The following ZFP14 variants were observed in gnomAD, a reference collection of about 807,000 sequenced individuals.
ZFP14 encodes the protein zinc finger protein 14 homolog.
In ZFP14, 22 loss-of-function variants were observed where a neutral mutation model predicts 54.5. The observed-to-expected ratio is 0.40, with a 90% CI of 0.29 to 0.58. The LOEUF is 0.58. Among genes scored for constraint, ZFP14 ranks in the 20% least tolerant of loss-of-function variants. The probability of loss-of-function intolerance (pLI) is 0.39; values close to 1 mark genes in which losing one functional copy is unlikely to be tolerated. For synonymous variants in ZFP14, 159 were observed against 204.0 expected (o/e 0.78, Z 1.88); for missense variants, 470 against 637.8 (o/e 0.74, Z 2.83).
At chr19:36,356,631 G>A (rs1024522773) in intron 4 of ZFP14, among the ~76,000 whole-genome samples, 13 of 151,838 alleles carry the variant, frequency 8.6e-5, no homozygotes, top group Non-Finnish European at 1.6e-4. Flanking sequence ...TTTCTAACCC[G>A]AACCATCCTC....
At chr19:36,349,231 C>CA (rs1308523351) in intron 4 of ZFP14, among the ~76,000 whole-genome samples, 1,143 of 4,176 alleles carry the variant, frequency 0.27, 236 homozygotes, top group Middle Eastern at 0.5. Context: ...AACTCTGTCT[C>CA]AAAAAAAAAA....
At chr19:36,349,800 G>A (rs1265506811) in intron 4 of ZFP14, among the ~76,000 whole-genome samples, 1 of 150,756 alleles carries the variant, frequency 6.6e-6, no homozygotes, top group Admixed American at 6.6e-5. Context: ...CACAAGAGAA[G>A]ACTAGTGAAT....
At chr19:36,351,842 C>T (rs1380342644) in intron 4 of ZFP14, among the ~76,000 whole-genome samples, 3 of 142,464 alleles carry the variant, frequency 2.1e-5, no homozygotes, top group African/African-American at 7.7e-5. Context: ...CTGGGTGATG[C>T]AGTGAGACCT....
chr19:36,369,644 C>G (rs1319966161), intron 1 of ZFP14, among the ~76,000 whole-genome samples: 1 of 152,042 alleles, frequency 6.6e-6, no homozygotes, highest in Non-Finnish European at 1.5e-5. Flanking sequence ...CTCCTGACCT[C>G]AATTGATCCA....
chr19:36,334,800 C>G lies in ZFP14; in HGVS notation c.*5424G>C, dbSNP rs1393156817. ...TTCCACAATAAATTTGAGATACACTCAGTTAAATAAAAATGTCTTTACTAA... is the reference window on the plus strand; with the variant it reads ...TTCCACAATAAATTTGAGATACACTGAGTTAAATAAAAATGTCTTTACTAA... On this transcript the variant is annotated 3_prime_UTR_variant, in exon 5 of 5. Coordinates refer to ENST00000270001, the MANE Select transcript of ZFP14 (RefSeq NM_020917.3). 2 of 152,216 alleles carry G rather than the reference C, an allele frequency of 1.3e-5. No individual in the cohort carries two copies. The highest frequency in any genetic ancestry group is 2.9e-5 in the Non-Finnish European group (2 of 68,032). The allele number at this position is 152,216 out of a possible 1,614,324, so 9.4% of individuals were successfully genotyped here. A position where few individuals can be genotyped will look rare whatever the true frequency, so the allele number is the denominator to read the frequency against.
chr19:36,361,957 G>C (rs1330738947), intron 3 of ZFP14, among the ~76,000 whole-genome samples, 155 bp downstream of exon 3: 1 of 152,208 alleles, frequency 6.6e-6, no homozygotes, highest in Non-Finnish European at 1.5e-5. Context: ...GGGCATAGCA[G>C]ACTGGACATG....
rs940824580 is a variant in ZFP14, at chr19:36,337,007, A to G, written c.*3217T>C. ...CCAAATGTGTCTATCTTCATTTCAT[A>G]GTATGTATCTCATATCATACGATCT... On this transcript the variant is annotated 3_prime_UTR_variant, in exon 5 of 5. Coordinates refer to ENST00000270001, the MANE Select transcript of ZFP14 (RefSeq NM_020917.3). 6.6e-6 allele frequency: 1 copy of G among 151,892 alleles called. No individual in the cohort carries two copies. The highest frequency in any genetic ancestry group is 1.9e-4 in the East Asian group (1 of 5,192). The allele number at this position is 151,892 out of a possible 1,614,324, so 9.4% of individuals were successfully genotyped here.
At chr19:36,368,780 C>T (rs573901149) in intron 1 of ZFP14, among the ~76,000 whole-genome samples, 218 of 152,252 alleles carry the variant, frequency 1.4e-3, no homozygotes, top group African/African-American at 5.1e-3. Flanking sequence ...CAGGAAAGCT[C>T]GCCACTCCAG....
chr19:36,340,452 T>C lies in ZFP14; in HGVS notation c.1374A>G (p.Arg458=). Residue 458 remains arginine (R), a synonymous_variant, in exon 5 of 5, where the codon AGA becomes AGG. Transcript: ENST00000270001. The surrounding 1 kb of genome is among the most constrained non-coding windows in gnomAD (Gnocchi z 5.4). ...GEKPYECKEC[R]KPFRLLSQLT... ...GTTGTGAGAGCAGTCTAAAAGGTTTTCTACATTCCTTACATTCATAAGGTT... is the reference window on the plus strand; with the variant it reads ...GTTGTGAGAGCAGTCTAAAAGGTTTCCTACATTCCTTACATTCATAAGGTT... 6.2e-7 allele frequency: 1 copy of C among 1,613,254 alleles called. No homozygotes were observed. The highest frequency in any genetic ancestry group is 8.5e-7 in the Non-Finnish European group (1 of 1,179,296).
rs398034482 is a variant in ZFP14, at chr19:36,364,994, C to CTTTTTTTTTTT, written c.10-2767_10-2757dup. The stretch of plus-strand genomic sequence containing the variant: ...TTTGCTTTCTTTCCTTTTTCTTTTT[C>CTTTTTTTTTTT]TTTTTTTTTTTTTTTTTTTTTTTTT... On this transcript the variant is annotated intron_variant, in intron 2 of 4. Transcript: ENST00000270001. 6.1e-3 allele frequency among the ~76,000 whole-genome samples: 379 copies of CTTTTTTTTTTT among 61,998 alleles called. 1 individual carries two copies. The highest frequency in any genetic ancestry group is 8.2e-3 in the Non-Finnish European group (283 of 34,500). The allele number at this position is 61,998 out of a possible 152,430, so 40.7% of individuals were successfully genotyped here.
Position 36,340,447 on chromosome 19 carries a change from G to A in ZFP14, c.1379C>T (p.Pro460Leu), listed in dbSNP as rs760129335. The change falls in exon 5 of 5, where the codon CCT becomes CTT. Residue 460 changes from proline to leucine, a missense_variant. By Grantham distance (98) the Pro-to-Leu change is moderately conservative. Transcript: ENST00000270001. This position sits in a 1 kb window ranked among gnomAD's most constrained non-coding sequence, Gnocchi z 5.4. ...KPYECKECRK[P>L]FRLLSQLTQH... ...GGTAAGTTGTGAGAGCAGTCTAAAA[G>A]GTTTTCTACATTCCTTACATTCATA... 1 of 1,613,224 alleles carries A rather than the reference G, an allele frequency of 6.2e-7. No homozygotes were observed. Among genetic ancestry groups the A allele is most frequent in the Admixed American group, 1.7e-5 (1 of 59,992 alleles).
chr19:36,360,635 T>C (rs2031695267), intron 3 of ZFP14, 102 bp from the exon 4 acceptor site: 17 of 1,073,486 alleles, frequency 1.6e-5, no homozygotes, highest in Non-Finnish European at 1.8e-5. Context: ...TGGCACTTTA[T>C]AAAGCCTAGG....
In ZFP14 at chr19:36,355,598, G is replaced by A. The variant is rs555732313; in HGVS notation, c.235+4837C>T. Among the ~76,000 whole-genome samples, 23 of 140,024 alleles carry A rather than the reference G, an allele frequency of 1.6e-4. 5 individuals are homozygous for A. Among genetic ancestry groups the A allele is most frequent in the Non-Finnish European group, 2.8e-4 (18 of 63,454 alleles). 91.9% of individuals were successfully genotyped at this position (140,024 alleles called of 152,430 possible). A position where few individuals can be genotyped will look rare whatever the true frequency, so the allele number is the denominator to read the frequency against. ...CTCAGGAGGCTGAGACGGGAGGATT[G>A]CTTGGGCCCAGGAGTTCAAGACTGC... On this transcript the variant is annotated intron_variant, in intron 4 of 4. Coordinates refer to ENST00000270001, the MANE Select transcript of ZFP14 (RefSeq NM_020917.3).
In ZFP14 at chr19:36,339,440, AACTT is replaced by A. The variant is rs767718874; in HGVS notation, c.*780_*783del. ...TCTCTTGAGTGTGGACTATCCTAGT[AACTT>A]ACTTCTACCAGTAGAAGGTGAGGGA... is the stretch of plus-strand genomic sequence containing the variant. On this transcript the variant is annotated 3_prime_UTR_variant, in exon 5 of 5. Transcript: ENST00000270001. The A allele has an allele frequency of 7.9e-5, 12 of 152,156 alleles. No homozygotes were observed. Among genetic ancestry groups the A allele is most frequent in the East Asian group, 1.9e-4 (1 of 5,196 alleles). The allele number at this position is 152,156 out of a possible 1,614,324, so 9.4% of individuals were successfully genotyped here. A position where few individuals can be genotyped will look rare whatever the true frequency, so the allele number is the denominator to read the frequency against.
chr19:36,347,976 T>A (rs2031449490), intron 4 of ZFP14, among the ~76,000 whole-genome samples: 1 of 152,072 alleles, frequency 6.6e-6, no homozygotes, highest in African/African-American at 2.4e-5. Context: ...GAGAACCTCT[T>A]GAACCCGGGA....
rs1179716445 is a variant in ZFP14 at position 36,337,971 on chromosome 19, A to G, written c.*2253T>C. 2 of 152,212 alleles carry G rather than the reference A, an allele frequency of 1.3e-5. No homozygotes were observed. The highest frequency in any genetic ancestry group is 2.9e-5 in the Non-Finnish European group (2 of 68,048). The allele number at this position is 152,212 out of a possible 1,614,324, so 9.4% of individuals were successfully genotyped here. On this transcript the variant is annotated 3_prime_UTR_variant, in exon 5 of 5. Transcript: ENST00000270001. ...TCCTCTAATTCCTTCTAGATTTATT[A>G]GACTTCTTCAAAAAAGAAAAACCCA...
intron 2 of ZFP14, among the ~76,000 whole-genome samples, chr19:36,364,988 CTTT>C: frequency 1.0e-5 from 1 of 97,842 alleles, no homozygotes; most frequent in South Asian, 3.5e-4. Flanking sequence ...TTTCCTTTTT[CTTT>C]TTCTTTTTTT....
At position 36,340,023 on chromosome 19, in the gene ZFP14, C is replaced by A; in HGVS notation, c.*201G>T. The A allele has an allele frequency of 2.1e-6, 1 of 484,984 alleles. No individual in the cohort carries two copies. The highest frequency in any genetic ancestry group is 3.4e-6 in the Non-Finnish European group (1 of 290,836). 30.0% of individuals were successfully genotyped at this position (484,984 alleles called of 1,614,324 possible). A position where few individuals can be genotyped will look rare whatever the true frequency, so the allele number is the denominator to read the frequency against. On this transcript the variant is annotated 3_prime_UTR_variant, in exon 5 of 5. Coordinates refer to ENST00000270001, the MANE Select transcript of ZFP14 (RefSeq NM_020917.3). This position sits in a 1 kb window ranked among gnomAD's most constrained non-coding sequence, Gnocchi z 5.4. Reference sequence around the variant, plus strand: ...AATGACAGATAAGGCTAAAGATTTTCCTACATTCATTACATTATTCTCTCA... The same window carrying A: ...AATGACAGATAAGGCTAAAGATTTTACTACATTCATTACATTATTCTCTCA...
At chr19:36,373,738 T>C (rs571483519) in intron 1 of ZFP14, among the ~76,000 whole-genome samples, 262 of 150,874 alleles carry the variant, frequency 1.7e-3, no homozygotes, top group Non-Finnish European at 2.9e-3. Flanking sequence ...TAGTGAGACC[T>C]TGTCTCTACA....
Sources: allele counts gnomAD v4.1 joint callset (sites outside exome capture counted in the v4.1 genomes callset), GRCh38; gene constraint gnomAD v4.1.1; non-coding constraint Gnocchi (gnomAD v3.1); transcripts MANE v1.5; gene names NCBI Gene and HGNC (gene_info 2026-07-23, HGNC 2026-07-21).